The following SLC25A21 variants were observed in gnomAD, a reference collection of about 807,000 sequenced individuals.
SLC25A21 encodes the protein mitochondrial 2-oxodicarboxylate carrier.
A neutral mutation model predicts 43.8 loss-of-function variants in SLC25A21; 47 were observed. The ratio of observed to expected loss-of-function variants is 1.07; its 90% CI spans 0.85 to 1.37. SLC25A21 has a LOEUF of 1.37. SLC25A21 is among the 40% of genes most tolerant of loss of function. SLC25A21 has a pLI of 0.00. For synonymous variants in SLC25A21, 131 were observed against 121.3 expected, an observed-to-expected ratio of 1.08 and a Z score of -0.52; for missense variants, 352 against 350.2, an observed-to-expected ratio of 1.00 and a Z score of -0.04.
chr14:36,766,882 G>A (rs567856252), intron 3 of SLC25A21, among the ~76,000 whole-genome samples: 16 of 152,234 alleles, frequency 1.1e-4, no homozygotes, highest in Admixed American at 2.6e-4. Flanking sequence ...GAGATAATGC[G>A]CATAATGCAT....
intron 3 of SLC25A21, among the ~76,000 whole-genome samples, chr14:36,806,223 CTTTTA>C (rs1200585318): frequency 1.3e-5 from 2 of 151,804 alleles, no homozygotes; most frequent in Non-Finnish European, 2.9e-5. Flanking sequence ...TTTATTTTTA[CTTTTA>C]TTTTATTTTA....
intron 1 of SLC25A21, among the ~76,000 whole-genome samples, chr14:36,953,537 T>C (rs961296740): frequency 2.0e-5 from 3 of 152,326 alleles, no homozygotes; most frequent in African/African-American, 7.2e-5. Context: ...AGGTTAACAT[T>C]CAGTAGATGA....
At chr14:37,087,547 A>T (rs553495621) in intron 1 of SLC25A21, among the ~76,000 whole-genome samples, 2 of 152,292 alleles carry the variant, frequency 1.3e-5, no homozygotes, top group South Asian at 2.1e-4. Flanking sequence ...AACCCCACAC[A>T]GTATTTATTT....
chr14:37,124,830 C>A (rs899268663), intron 1 of SLC25A21, among the ~76,000 whole-genome samples: 1 of 152,078 alleles, frequency 6.6e-6, no homozygotes, highest in African/African-American at 2.4e-5. Context: ...AAGTGTGTGG[C>A]GCCGCCTACC....
rs528236167 is a variant in SLC25A21, at chr14:36,984,409, A to AG, written c.71-109406dup. ...TTCATTTGATCTTCTGTTTACATTG[A>AG]GAAGATGTAAACTCAATGTGTACAC... On this transcript the variant is annotated intron_variant, in intron 1 of 9. Coordinates refer to ENST00000331299, the MANE Select transcript of SLC25A21 (RefSeq NM_030631.4). Among the ~76,000 whole-genome samples the AG allele has an allele frequency of 2.6e-4, 39 of 152,320 alleles. 1 individual carries two copies. Among genetic ancestry groups the AG allele is most frequent in the African/African-American group, 9.1e-4 (38 of 41,568 alleles).
chr14:36,724,142 C>T (rs1380549380), intron 6 of SLC25A21, among the ~76,000 whole-genome samples: 3 of 152,168 alleles, frequency 2.0e-5, no homozygotes, highest in Non-Finnish European at 4.4e-5. Flanking sequence ...GAAACGAAAA[C>T]TAGAATACAG....
chr14:36,918,659 C>T (rs1309694663), intron 1 of SLC25A21, among the ~76,000 whole-genome samples: 2 of 152,024 alleles, frequency 1.3e-5, no homozygotes, highest in African/African-American at 2.4e-5. Context: ...TAAGAAATCA[C>T]CTTCAATTTA....
At chr14:36,938,561 C>A (rs1009194780) in intron 1 of SLC25A21, among the ~76,000 whole-genome samples, 1 of 151,994 alleles carries the variant, frequency 6.6e-6, no homozygotes, top group African/African-American at 2.4e-5. Flanking sequence ...AATACACTTT[C>A]TTCTGCTTGG....
At chr14:36,865,473 A>T (rs1890188777) in intron 2 of SLC25A21, among the ~76,000 whole-genome samples, 1 of 151,968 alleles carries the variant, frequency 6.6e-6, no homozygotes, top group Non-Finnish European at 1.5e-5. Context: ...ACTCTCAAAA[A>T]CCACGGAATG....
intron 3 of SLC25A21, among the ~76,000 whole-genome samples, chr14:36,772,324 C>A (rs1341934516): frequency 6.6e-6 from 1 of 152,122 alleles, no homozygotes; most frequent in Non-Finnish European, 1.5e-5. Context: ...GGGCTAAATC[C>A]TGAGACATAA....
chr14:36,957,587 G>T (rs1213463463), intron 1 of SLC25A21, among the ~76,000 whole-genome samples: 1 of 152,190 alleles, frequency 6.6e-6, no homozygotes, highest in Non-Finnish European at 1.5e-5. Flanking sequence ...AAGTTAGAAA[G>T]CATCTTTCAT....
At chr14:36,740,670 G>A (rs555804172) in intron 3 of SLC25A21, among the ~76,000 whole-genome samples, 1 of 140,010 alleles carries the variant, frequency 7.1e-6, no homozygotes, top group South Asian at 2.4e-4. Context: ...ACATATGGGT[G>A]GCTACGAGGT....
At chr14:36,715,962 G>A (rs1200571217) in intron 6 of SLC25A21, among the ~76,000 whole-genome samples, 4 of 152,020 alleles carry the variant, frequency 2.6e-5, no homozygotes, top group South Asian at 2.1e-4. Flanking sequence ...ATGGTGGTGC[G>A]GGCCTGTAGT....
At chr14:37,034,865 G>A (rs755271499) in intron 1 of SLC25A21, among the ~76,000 whole-genome samples, 6 of 152,296 alleles carry the variant, frequency 3.9e-5, no homozygotes, top group Middle Eastern at 3.4e-3. Flanking sequence ...AAGAGCATTC[G>A]GCTCCACAGA....
At chr14:36,795,678 G>T (rs1285737889) in intron 3 of SLC25A21, among the ~76,000 whole-genome samples, 1 of 149,310 alleles carries the variant, frequency 6.7e-6, no homozygotes, top group African/African-American at 2.4e-5. Context: ...GATCTGTGAA[G>T]CGTCTGTGCA....
chr14:36,802,539 A>G (rs976803070), intron 3 of SLC25A21, among the ~76,000 whole-genome samples: 4 of 152,222 alleles, frequency 2.6e-5, no homozygotes, highest in African/African-American at 9.6e-5. Context: ...CTGAAGTACA[A>G]TGAGGTTAAA....
chr14:36,981,373 A>G (rs1474178387), intron 1 of SLC25A21, among the ~76,000 whole-genome samples: 1 of 152,234 alleles, frequency 6.6e-6, no homozygotes, highest in African/African-American at 2.4e-5. Flanking sequence ...ATGCTACTAT[A>G]AAGACACATG....
chr14:36,763,695 A>G (rs1412565969), intron 3 of SLC25A21, among the ~76,000 whole-genome samples: 1 of 151,954 alleles, frequency 6.6e-6, no homozygotes, highest in Non-Finnish European at 1.5e-5. Context: ...GCACACCGGG[A>G]AGACCAGAAA....
intron 1 of SLC25A21, among the ~76,000 whole-genome samples, chr14:37,044,563 G>C (rs1266742558): frequency 6.6e-6 from 1 of 152,150 alleles, no homozygotes; most frequent in Non-Finnish European, 1.5e-5. Context: ...TGTACCACAG[G>C]AACTTCTGCC....
Sources: gnomAD v4.1 joint callset for allele counts (sites outside exome capture counted in the v4.1 genomes callset) on GRCh38, gnomAD v4.1.1 for gene constraint, MANE v1.5 for transcripts, NCBI Gene and HGNC (gene_info 2026-07-23, HGNC 2026-07-21) for gene names.